DNAJC5: variants seen among roughly 807,000 people sequenced by gnomAD.
DNAJC5 encodes the protein DnaJ heat shock protein family (Hsp40) member C5, also known as dnaJ homolog subfamily C member 5.
DNAJC5 carries 1 observed loss-of-function variant against 23.2 expected under a neutral mutation model. The observed-to-expected ratio is 0.04, with a 90% confidence interval of 0.02 to 0.20. DNAJC5 has a LOEUF of 0.20. Among genes scored for constraint, DNAJC5 ranks in the 10% least tolerant of loss-of-function variants. The pLI is 1.00. For missense variants in DNAJC5, 180 were observed against 267.0 expected (o/e 0.67, Z 2.27); for synonymous variants, 136 against 120.0 (o/e 1.13, Z -0.87).
At chr20:63,899,879 G>C (rs6011213) in intron 1 of DNAJC5, among the ~76,000 whole-genome samples, 70,912 of 133,498 alleles carry the variant, frequency 0.53, 19,232 homozygotes, top group East Asian at 0.96. Flanking sequence ...CTGCGCCTGG[G>C]CTTTTTTTTT....
chr20:63,928,380 C>G lies in DNAJC5; in HGVS notation c.35C>G (p.Ser12Cys). Residue 12 changes from serine to cysteine, a missense_variant, in exon 2 of 5, where the codon TCT becomes TGT. By Grantham distance (112) the Ser-to-Cys change is moderately radical (BLOSUM62 -1). Around this residue, in one of 3 missense-constraint regions of DNAJC5, gnomAD observed 77 missense variants for 106.8 expected, o/e 0.72. Transcript: ENST00000360864. This position sits in a 1 kb window ranked among gnomAD's most constrained non-coding sequence, Gnocchi z 4.6. ...ADQRQRSLSTSGESLYHVLGL... is the reference protein window; with the variant it reads ...ADQRQRSLSTCGESLYHVLGL... Reference sequence around the variant, plus strand: ...CAGAGACAGCGCTCACTGTCTACCTCTGGGGAGTCATTGTACCACGTCCTT... The same window carrying G: ...CAGAGACAGCGCTCACTGTCTACCTGTGGGGAGTCATTGTACCACGTCCTT... 1.9e-6 allele frequency: 3 copies of G among 1,614,074 alleles called. No individual in the cohort carries two copies.
At position 63,929,243 on chromosome 20, in the gene DNAJC5, A is replaced by T. The variant is rs2053640804; in HGVS notation, c.108-69A>T. ...GCACCCGGCAGTGCGTGCGGGTGGGATGGACGCGGCGGCGGGTGCGGGTGG... is the reference window on the plus strand; with the variant it reads ...GCACCCGGCAGTGCGTGCGGGTGGGTTGGACGCGGCGGCGGGTGCGGGTGG... On this transcript the variant is annotated intron_variant, in intron 2 of 4. Coordinates refer to ENST00000360864, the MANE Select transcript of DNAJC5 (RefSeq NM_025219.3). This position sits in a 1 kb window ranked among gnomAD's most constrained non-coding sequence, Gnocchi z 8.6. 6.5e-7 allele frequency: 1 copy of T among 1,545,346 alleles called. No individual in the cohort carries two copies. Among genetic ancestry groups the T allele is most frequent in the African/African-American group, 1.4e-5 (1 of 72,826 alleles).
chr20:63,927,813 C>T (rs1320953456), intron 1 of DNAJC5, among the ~76,000 whole-genome samples: 1 of 152,094 alleles, frequency 6.6e-6, no homozygotes, highest in Non-Finnish European at 1.5e-5. Flanking sequence ...AACTAATTTT[C>T]TATTTGTTTC....
chr20:63,924,025 G>C (rs749429278), intron 1 of DNAJC5, among the ~76,000 whole-genome samples: 1 of 151,984 alleles, frequency 6.6e-6, no homozygotes, highest in Non-Finnish European at 1.5e-5. Flanking sequence ...ATCTGAACTC[G>C]ATTCTGCTGT....
intron 1 of DNAJC5, among the ~76,000 whole-genome samples, chr20:63,899,489 C>T (rs893084081): frequency 7.2e-5 from 11 of 152,322 alleles, no homozygotes; most frequent in African/African-American, 2.6e-4. Context: ...TTAATAGATA[C>T]AGGTCATTAG....
chr20:63,930,057 C>T (rs376786464), intron 3 of DNAJC5, among the ~76,000 whole-genome samples: 1 of 152,212 alleles, frequency 6.6e-6, no homozygotes, highest in Admixed American at 6.5e-5. Flanking sequence ...TTCTTCGTTT[C>T]CTCGTTTTGT....
chr20:63,898,615 G>A (rs192813529), intron 1 of DNAJC5, among the ~76,000 whole-genome samples: 2 of 152,078 alleles, frequency 1.3e-5, no homozygotes, highest in South Asian at 2.1e-4. Context: ...AGGCCGAGGC[G>A]GGCAGATCTT....
At chr20:63,923,737 T>G (rs968668442) in intron 1 of DNAJC5, among the ~76,000 whole-genome samples, 2 of 152,118 alleles carry the variant, frequency 1.3e-5, no homozygotes, top group Non-Finnish European at 2.9e-5. Context: ...AAGAATGAGT[T>G]AACATTTTCT....
chr20:63,931,277 C>T lies in DNAJC5; in HGVS notation c.494-188C>T, dbSNP rs930173099. 8.9e-6 allele frequency: 7 copies of T among 788,126 alleles called. No homozygotes were observed. The highest frequency in any genetic ancestry group is 6.0e-5 in the South Asian group (4 of 66,298). The allele number at this position is 788,126 out of a possible 1,614,324, so 48.8% of individuals were successfully genotyped here. ...GGGGCAGGGCGGCAGGCAGTTGGGGCGGGGCTGAGGGCCGAGGGCTGGCGG... is the reference window on the plus strand; with the variant it reads ...GGGGCAGGGCGGCAGGCAGTTGGGGTGGGGCTGAGGGCCGAGGGCTGGCGG... On this transcript the variant is annotated intron_variant, in intron 4 of 4. Coordinates refer to ENST00000360864, the MANE Select transcript of DNAJC5 (RefSeq NM_025219.3). This position sits in a 1 kb window ranked among gnomAD's most constrained non-coding sequence, Gnocchi z 9.6.
intron 1 of DNAJC5, among the ~76,000 whole-genome samples, chr20:63,927,864 G>GC (rs1389186455): frequency 6.6e-6 from 1 of 152,012 alleles, no homozygotes; most frequent in Non-Finnish European, 1.5e-5. Context: ...TAACTTTTTA[G>GC]CTTATACCTC....
chr20:63,910,436 G>T (rs1369120459), intron 1 of DNAJC5, among the ~76,000 whole-genome samples: 1 of 151,670 alleles, frequency 6.6e-6, no homozygotes, highest in Non-Finnish European at 1.5e-5. Flanking sequence ...CCAGCTACTC[G>T]GGAGGCTGAG....
intron 1 of DNAJC5, among the ~76,000 whole-genome samples, chr20:63,926,754 C>T (rs952473974): frequency 2.6e-5 from 4 of 152,236 alleles, no homozygotes; most frequent in Non-Finnish European, 5.9e-5. Flanking sequence ...ACTGGGACGA[C>T]ACTCACCTGC....
chr20:63,913,311 G>A (rs4809248), intron 1 of DNAJC5, among the ~76,000 whole-genome samples: 1 of 151,702 alleles, frequency 6.6e-6, no homozygotes, highest in Non-Finnish European at 1.5e-5. Flanking sequence ...CTCTCCTCCC[G>A]CTTCTCCTCA....
intron 1 of DNAJC5, among the ~76,000 whole-genome samples, chr20:63,896,126 T>C (rs1323785183): frequency 6.6e-6 from 1 of 152,224 alleles, no homozygotes; most frequent in Non-Finnish European, 1.5e-5. Context: ...TCTGCCCTTA[T>C]TTGCCTGTTT....
intron 1 of DNAJC5, among the ~76,000 whole-genome samples, chr20:63,906,495 AAATT>A: frequency 6.6e-6 from 1 of 152,028 alleles, no homozygotes; most frequent in African/African-American, 2.4e-5. Flanking sequence ...CTTAATAAAT[AAATT>A]AATAGCCGAG....
At chr20:63,910,360 C>T (rs1188030628) in intron 1 of DNAJC5, among the ~76,000 whole-genome samples, 1 of 151,968 alleles carries the variant, frequency 6.6e-6, no homozygotes, top group African/African-American at 2.4e-5. Flanking sequence ...CTGGCTAACA[C>T]GGTGAAACCC....
intron 1 of DNAJC5, among the ~76,000 whole-genome samples, chr20:63,914,906 A>G (rs1385891840): frequency 2.0e-5 from 3 of 151,972 alleles, no homozygotes; most frequent in Non-Finnish European, 4.4e-5. Context: ...GTGAACCACC[A>G]CGCCCGGCCA....
intron 1 of DNAJC5, among the ~76,000 whole-genome samples, chr20:63,921,255 G>A (rs962994432): frequency 5.9e-5 from 9 of 152,054 alleles, no homozygotes; most frequent in African/African-American, 1.7e-4. Context: ...CACCGTGCCC[G>A]GCCACCTTGT....
chr20:63,905,374 C>A (rs1045764770), intron 1 of DNAJC5, among the ~76,000 whole-genome samples: 8 of 152,120 alleles, frequency 5.3e-5, no homozygotes, highest in Non-Finnish European at 1.5e-5. Context: ...CCTCAGCCTT[C>A]CAAAGTACTG....
Sources: gnomAD v4.1 joint callset for allele counts (sites outside exome capture counted in the v4.1 genomes callset) on GRCh38, gnomAD v4.1.1 for gene constraint, gnomAD v4.1.1 regional missense constraint, Gnocchi (gnomAD v3.1) non-coding constraint, MANE v1.5 for transcripts, NCBI Gene and HGNC (gene_info 2026-07-23, HGNC 2026-07-21) for gene names.